PINX1: variants seen among roughly 807,000 people sequenced by gnomAD.
PINX1 encodes the protein PIN2/TERF1-interacting telomerase inhibitor 1.
In PINX1, 34 loss-of-function variants were observed where a neutral mutation model predicts 25.4. The observed-to-expected ratio is 1.34, with a 90% CI of 1.02 to 1.78. The LOEUF is 1.78. PINX1 is among the 40% of genes most tolerant of loss of function. PINX1 has a pLI of 0.00. For synonymous variants in PINX1, 197 were observed against 147.7 expected (o/e 1.33, Z -2.42); for missense variants, 592 against 404.9 (o/e 1.46, Z -3.97).
intron 6 of PINX1, among the ~76,000 whole-genome samples, chr8:10,814,087 G>T (rs1797619363): frequency 6.6e-6 from 1 of 152,172 alleles, no homozygotes; most frequent in Non-Finnish European, 1.5e-5. Context: ...GGGGCCCTGG[G>T]AATCTCAATT....
intron 6 of PINX1, among the ~76,000 whole-genome samples, chr8:10,767,216 G>A (rs575885633): frequency 3.3e-4 from 50 of 152,228 alleles, no homozygotes; most frequent in Admixed American, 4.6e-4. Context: ...TGCTTGTGCA[G>A]GTAACTGAAT....
At chr8:10,784,195 G>C (rs1801677902) in intron 6 of PINX1, among the ~76,000 whole-genome samples, 1 of 152,202 alleles carries the variant, frequency 6.6e-6, no homozygotes, top group Non-Finnish European at 1.5e-5. Context: ...GGAGGACACA[G>C]GGGATGAGAG....
chr8:10,776,848 C>T (rs905431103), intron 6 of PINX1, among the ~76,000 whole-genome samples: 5 of 152,190 alleles, frequency 3.3e-5, no homozygotes, highest in Non-Finnish European at 4.4e-5. Flanking sequence ...ACCCTTCCCC[C>T]ACACTGCAAC....
intron 6 of PINX1, among the ~76,000 whole-genome samples, chr8:10,801,886 C>T (rs1802274685): frequency 6.6e-6 from 1 of 152,088 alleles, no homozygotes; most frequent in Non-Finnish European, 1.5e-5. Flanking sequence ...CGTCCTGGCC[C>T]CATGAGAGAG....
chr8:10,801,938 C>T (rs775498684), intron 6 of PINX1, among the ~76,000 whole-genome samples: 1 of 152,102 alleles, frequency 6.6e-6, no homozygotes, highest in Non-Finnish European at 1.5e-5. Flanking sequence ...AATGCACAAG[C>T]ACCACTGGAA....
chr8:10,789,553 G>A (rs1244166181), intron 6 of PINX1, among the ~76,000 whole-genome samples: 1 of 152,152 alleles, frequency 6.6e-6, no homozygotes, highest in Admixed American at 6.5e-5. Context: ...TCTGTCCAGA[G>A]GGGAGCTCCC....
At chr8:10,775,410 GTTTTTT>G (rs143926728) in intron 6 of PINX1, among the ~76,000 whole-genome samples, 49 of 109,600 alleles carry the variant, frequency 4.5e-4, no homozygotes, top group Admixed American at 8.0e-4. Context: ...CTGTTTTGTG[GTTTTTT>G]TTTTTTTTTT....
intron 6 of PINX1, among the ~76,000 whole-genome samples, chr8:10,807,955 G>A (rs1423862803): frequency 6.6e-6 from 1 of 152,204 alleles, no homozygotes; most frequent in South Asian, 2.1e-4. Flanking sequence ...ATGATCTGAT[G>A]CAGCTGACAC....
intron 6 of PINX1, among the ~76,000 whole-genome samples, chr8:10,781,331 G>C (rs1693297444): frequency 6.6e-6 from 1 of 152,132 alleles, no homozygotes; most frequent in African/African-American, 2.4e-5. Flanking sequence ...GGCTACCAAA[G>C]CAAAAATATG....
intron 6 of PINX1, among the ~76,000 whole-genome samples, chr8:10,814,777 T>C (rs944545691): frequency 2.6e-5 from 4 of 152,212 alleles, no homozygotes; most frequent in Admixed American, 6.5e-5. Flanking sequence ...AGAAGAATGA[T>C]GAGGCTTCAA....
At position 10,765,420 on chromosome 8, in the gene PINX1, T is replaced by C. The variant is rs61746595; in HGVS notation, c.968A>G (p.Lys323Arg). Residue 323 changes from lysine to arginine, a missense_variant, in exon 7 of 7, where the codon AAG (lysine) becomes AGG (arginine). Physicochemically the swap from Lys to Arg is conservative, Grantham distance 26. Coordinates refer to ENST00000314787, the MANE Select transcript of PINX1 (RefSeq NM_017884.6). ...TLEETLVKKKKKKDSK is the reference protein window; with the variant it reads ...TLEETLVKKKRKKDSK ...AAGGATTCATTTGGAATCTTTCTTC[T>C]TCTTCTTTTTCACTAGCGTTTCTTC... 7.0e-4 allele frequency: 1,119 copies of C among 1,605,264 alleles called. 7 individuals are homozygous for C. In the African/African-American group the frequency reaches 0.013, roughly 19 times the overall value.
At chr8:10,792,715 G>A (rs777342651) in intron 6 of PINX1, among the ~76,000 whole-genome samples, 57 of 152,132 alleles carry the variant, frequency 3.7e-4, no homozygotes, top group Non-Finnish European at 7.3e-5. Context: ...GTATCTATAG[G>A]TGACTGTAAT....
chr8:10,810,418 A>C (rs1055177150), intron 6 of PINX1, among the ~76,000 whole-genome samples: 3 of 152,178 alleles, frequency 2.0e-5, no homozygotes, highest in African/African-American at 7.2e-5. Context: ...CTTCAGGCCT[A>C]GCTCAACTTC....
chr8:10,800,890 C>A (rs905127676), intron 6 of PINX1, among the ~76,000 whole-genome samples: 1 of 152,194 alleles, frequency 6.6e-6, no homozygotes, highest in African/African-American at 2.4e-5. Context: ...GCTTACAGGA[C>A]CCAAATACTG....
chr8:10,787,118 C>A (rs1801774545), intron 6 of PINX1, among the ~76,000 whole-genome samples: 1 of 151,948 alleles, frequency 6.6e-6, no homozygotes. Flanking sequence ...AAATATTTTT[C>A]ATGAATGCAT....
intron 6 of PINX1, among the ~76,000 whole-genome samples, chr8:10,771,715 C>G (rs1801228537): frequency 6.6e-6 from 1 of 152,200 alleles, no homozygotes; most frequent in South Asian, 2.1e-4. Context: ...ACGAACTTGT[C>G]TGCACATCAG....
chr8:10,774,127 G>C (rs1007114305), intron 6 of PINX1, among the ~76,000 whole-genome samples: 1 of 152,238 alleles, frequency 6.6e-6, no homozygotes, highest in Non-Finnish European at 1.5e-5. Flanking sequence ...GAAGCTTCCA[G>C]AGGGTTCTGT....
At chr8:10,822,669 T>TA (rs2129086547) in intron 5 of PINX1, among the ~76,000 whole-genome samples, 1 of 152,244 alleles carries the variant, frequency 6.6e-6, no homozygotes, top group Admixed American at 6.5e-5. Flanking sequence ...TACCAAGAAA[T>TA]ACACATGGGA....
At chr8:10,817,931 A>C (rs145329865) in intron 6 of PINX1, among the ~76,000 whole-genome samples, 3 of 24,086 alleles carry the variant, frequency 1.2e-4, no homozygotes, top group African/African-American at 6.9e-4. Context: ...GGGAGGAATT[A>C]AAAAAAAATT....
Sources: allele counts gnomAD v4.1 joint callset (sites outside exome capture counted in the v4.1 genomes callset), GRCh38; gene constraint gnomAD v4.1.1; transcripts MANE v1.5; gene names NCBI Gene and HGNC (gene_info 2026-07-23, HGNC 2026-07-21).